The following UBA6 variants were observed in gnomAD, a reference collection of about 807,000 sequenced individuals.
The protein encoded by UBA6 is ubiquitin-like modifier-activating enzyme 6.
In UBA6, 87 loss-of-function variants were observed where a neutral mutation model predicts 148.3. That is an observed-to-expected ratio of 0.59 (90% CI 0.49 to 0.70). UBA6 has a LOEUF of 0.70. Ranked by LOEUF, UBA6 falls within the 30% of genes least tolerant of loss-of-function variation. UBA6 has a pLI of 0.00. For synonymous variants in UBA6, 376 were observed against 401.0 expected, an observed-to-expected ratio of 0.94 and a Z score of 0.75; for missense variants, 1,186 against 1,241.2, an observed-to-expected ratio of 0.96 and a Z score of 0.67.
chr4:67,639,050 G>T lies in UBA6; in HGVS notation c.1629C>A (p.Asn543Lys). Residue 543 changes from asparagine to lysine, a missense_variant, in exon 19 of 33, where the codon AAC becomes AAA. Physicochemically the swap from Asn to Lys is moderately conservative, Grantham distance 94 (BLOSUM62 0). Coordinates refer to ENST00000322244, the MANE Select transcript of UBA6 (RefSeq NM_018227.6). ...NSQIKIDAHL[N>K]KVCPTTETIY... Reference sequence around the variant, plus strand: ...TGGTCTCAGTGGTTGGACATACTTTGTTCAGGTGTGCATCTATCTTTATTT... The same window carrying T: ...TGGTCTCAGTGGTTGGACATACTTTTTTCAGGTGTGCATCTATCTTTATTT... The T allele has an allele frequency of 6.2e-7, 1 of 1,613,320 alleles. No individual in the cohort carries two copies. The highest frequency in any genetic ancestry group is 8.5e-7 in the Non-Finnish European group (1 of 1,179,540).
In UBA6 at chr4:67,618,875, T is replaced by A. The variant is rs1728687916; in HGVS notation, c.*122A>T. 1.9e-6 allele frequency: 2 copies of A among 1,026,812 alleles called. No homozygotes were observed. Among genetic ancestry groups the A allele is most frequent in the Non-Finnish European group, 2.8e-6 (2 of 714,510 alleles). The allele number at this position is 1,026,812 out of a possible 1,614,324, so 63.6% of individuals were successfully genotyped here. A position where few individuals can be genotyped will look rare whatever the true frequency, so the allele number is the denominator to read the frequency against. ...TGCAGTTTCTTACTGATGTTTCCCT[T>A]AAAATTAAGGCTTAATGAAAGAGAA... On this transcript the variant is annotated 3_prime_UTR_variant, in exon 33 of 33. Transcript: ENST00000322244.
intron 2 of UBA6, 130 bp from the exon 3 acceptor site, chr4:67,682,343 G>C (rs943754128): frequency 1.6e-6 from 1 of 642,522 alleles, no homozygotes; most frequent in Admixed American, 3.0e-5. Context: ...GATTTGCACA[G>C]TGTTTAAACA....
At chr4:67,646,149 T>A in intron 15 of UBA6, 133 bp from the exon 16 acceptor site, 1 of 461,260 alleles carries the variant, frequency 2.2e-6, no homozygotes, top group Non-Finnish European at 3.6e-6. Flanking sequence ...CAATCTTAAT[T>A]GAAAAAGAAA....
At chr4:67,632,046 G>T in intron 23 of UBA6, 138 bp from the exon 24 acceptor site, 1 of 744,922 alleles carries the variant, frequency 1.3e-6, no homozygotes, top group Non-Finnish European at 2.1e-6. Flanking sequence ...GAGACACAGT[G>T]AAGTCTCCCT....
chr4:67,668,457 C>T (rs528022890), intron 9 of UBA6, 94 bp downstream of exon 9: 2 of 1,202,460 alleles, frequency 1.7e-6, no homozygotes, highest in Admixed American at 2.1e-5. Flanking sequence ...TGGATCATGT[C>T]TCTCTGAGTT....
At position 67,621,857 on chromosome 4, in the gene UBA6, T is replaced by C. The variant is rs1477401626; in HGVS notation, c.3023+974A>G. The stretch of plus-strand genomic sequence containing the variant: ...AAAATACACAGCAGCACAGCAGTCA[T>C]AGGACAGTAATAAGTGCTCTGAAAA... On this transcript the variant is annotated intron_variant, in intron 32 of 32. Coordinates refer to ENST00000322244, the MANE Select transcript of UBA6 (RefSeq NM_018227.6). Among the ~76,000 whole-genome samples, 7 of 152,108 alleles carry C rather than the reference T, an allele frequency of 4.6e-5. No individual in the cohort carries two copies. The South Asian group carries it at 1.5e-3, about 32-fold the overall frequency.
At chr4:67,640,906 G>C (rs565892249) in intron 18 of UBA6, among the ~76,000 whole-genome samples, 5 of 152,006 alleles carry the variant, frequency 3.3e-5, no homozygotes, top group Admixed American at 3.3e-4. Context: ...ACATACCCTG[G>C]TGATTACAAA....
At chr4:67,699,748 T>G (rs1378316252) in intron 1 of UBA6, among the ~76,000 whole-genome samples, 1 of 152,054 alleles carries the variant, frequency 6.6e-6, no homozygotes, top group Non-Finnish European at 1.5e-5. Flanking sequence ...ACTACAGGCG[T>G]GCATCACCTA....
intron 1 of UBA6, among the ~76,000 whole-genome samples, chr4:67,697,582 T>C (rs1372621355): frequency 6.6e-6 from 1 of 152,230 alleles, no homozygotes; most frequent in African/African-American, 2.4e-5. Flanking sequence ...TCTTCCTGTC[T>C]TTCCTAACTC....
intron 10 of UBA6, among the ~76,000 whole-genome samples, chr4:67,664,262 T>A (rs904311381): frequency 5.3e-5 from 8 of 152,036 alleles, no homozygotes; most frequent in African/African-American, 1.9e-4. Context: ...AATACCAGGT[T>A]GTCAAGACTT....
At chr4:67,651,184 G>A in intron 13 of UBA6, among the ~76,000 whole-genome samples, 1 of 151,946 alleles carries the variant, frequency 6.6e-6, no homozygotes, top group African/African-American at 2.4e-5. Flanking sequence ...AAAAGTCAGA[G>A]GATATTTAAG....
chr4:67,650,491 T>C (rs974794479), intron 13 of UBA6, among the ~76,000 whole-genome samples: 1 of 152,144 alleles, frequency 6.6e-6, no homozygotes, highest in Non-Finnish European at 1.5e-5. Flanking sequence ...GACGGCAGCC[T>C]ATAGCTAAAT....
At chr4:67,640,457 TTC>T (rs1312974248) in intron 18 of UBA6, among the ~76,000 whole-genome samples, 2 of 152,212 alleles carry the variant, frequency 1.3e-5, no homozygotes, top group African/African-American at 2.4e-5. Context: ...AAGAAAAAAC[TTC>T]TTTTTGTTTT....
chr4:67,628,661 C>A (rs1396857661), intron 27 of UBA6, among the ~76,000 whole-genome samples: 1 of 151,792 alleles, frequency 6.6e-6, no homozygotes, highest in Non-Finnish European at 1.5e-5. Context: ...TTTATACATT[C>A]CTTCAGAAGG....
intron 17 of UBA6, among the ~76,000 whole-genome samples, chr4:67,644,405 C>T (rs969315010): frequency 6.6e-6 from 1 of 152,096 alleles, no homozygotes; most frequent in Non-Finnish European, 1.5e-5. Flanking sequence ...AAAGCCCTTT[C>T]ACATTTGATC....
chr4:67,681,176 G>A (rs1039959589), intron 4 of UBA6, among the ~76,000 whole-genome samples: 1 of 152,158 alleles, frequency 6.6e-6, no homozygotes, highest in African/African-American at 2.4e-5. Context: ...GGTATTAAGA[G>A]CTTGTTACAT....
intron 23 of UBA6, 39 bp from the exon 24 acceptor site, chr4:67,631,947 A>G (rs577739603): frequency 6.4e-7 from 1 of 1,556,646 alleles, no homozygotes; most frequent in African/African-American, 1.4e-5. Flanking sequence ...CCACTACTTA[A>G]TATTATCTGA....
At position 67,645,952 on chromosome 4, in the gene UBA6, A is replaced by C. The variant is rs1388822794; in HGVS notation, c.1381T>G (p.Leu461Val). 3.1e-6 allele frequency: 5 copies of C among 1,596,296 alleles called. No individual in the cohort carries two copies. The East Asian group carries it at 9.0e-5, about 29-fold the overall frequency. The change falls in exon 16 of 33, where the codon TTA becomes GTA. Residue 461 changes from leucine to valine, a missense_variant. By Grantham distance (32) the Leu-to-Val change is conservative (BLOSUM62 1). Transcript: ENST00000322244. Reference sequence around the variant, plus strand: ...TTGATACTTACTAAGAAGATGTTTAAATTTTGCAGTTTCTGACACAAAGTG... The same window carrying C: ...TTGATACTTACTAAGAAGATGTTTACATTTTGCAGTTTCTGACACAAAGTG... ...GDTLCQKLQN[L>V]NIFLVGCGAI...
chr4:67,699,663 C>T (rs1224244565), intron 1 of UBA6, among the ~76,000 whole-genome samples: 1 of 152,092 alleles, frequency 6.6e-6, no homozygotes, highest in African/African-American at 2.4e-5. Context: ...TGCAGTGGCA[C>T]GATCTCGGCT....
Sources: allele counts gnomAD v4.1 joint callset (sites outside exome capture counted in the v4.1 genomes callset), GRCh38; gene constraint gnomAD v4.1.1; transcripts MANE v1.5; gene names NCBI Gene and HGNC (gene_info 2026-07-23, HGNC 2026-07-21).